The following ACSF2 variants were observed in gnomAD, a reference collection of about 807,000 sequenced individuals.
ACSF2 encodes the protein acyl-CoA synthetase family member 2.
In ACSF2, 52 loss-of-function variants were observed where a neutral mutation model predicts 79.3. That is an observed-to-expected ratio of 0.66 (90% confidence interval 0.53 to 0.83). The LOEUF is 0.83. Among genes scored for constraint, ACSF2 ranks in the 40% least tolerant of loss-of-function variants. The pLI is 0.00. For missense variants in ACSF2, 661 were observed against 803.3 expected, an observed-to-expected ratio of 0.82 and a Z score of 2.14; for synonymous variants, 283 against 312.6, an observed-to-expected ratio of 0.91 and a Z score of 1.00.
chr17:50,449,228 G>T (rs1225787061), intron 1 of ACSF2, among the ~76,000 whole-genome samples: 2 of 151,342 alleles, frequency 1.3e-5, no homozygotes, highest in African/African-American at 4.9e-5. Context: ...TGTTGCCCAG[G>T]GTGCTCTCGA....
rs199837080 is a variant in ACSF2, at chr17:50,441,856, T to A, written c.128+15467T>A. Among the ~76,000 whole-genome samples the A allele has an allele frequency of 1.1e-4, 16 of 152,238 alleles. No individual in the cohort carries two copies. In the East Asian group the frequency reaches 3.1e-3, roughly 29 times the overall value. Reference sequence around the variant, plus strand: ...TATTTATTTATTTTTATTTATTTATTTTGAGACAGGACCTTACTCTGTCTC... The same window carrying A: ...TATTTATTTATTTTTATTTATTTATATTGAGACAGGACCTTACTCTGTCTC... On this transcript the variant is annotated intron_variant, in intron 1 of 15. Coordinates refer to ENST00000300441, the MANE Select transcript of ACSF2 (RefSeq NM_025149.6).
chr17:50,465,162 G>T, intron 10 of ACSF2: 3 of 1,056,936 alleles, frequency 2.8e-6, no homozygotes, highest in South Asian at 1.6e-5. Context: ...GGACCCAGTC[G>T]TCCCCTCCTC....
intron 1 of ACSF2, among the ~76,000 whole-genome samples, chr17:50,459,842 G>T (rs146487705): frequency 2.6e-5 from 4 of 152,150 alleles, no homozygotes; most frequent in Non-Finnish European, 5.9e-5. Flanking sequence ...GCCAGGTCCC[G>T]AGCTGGCTGC....
chr17:50,451,710 A>T (rs1229906755), intron 1 of ACSF2, among the ~76,000 whole-genome samples: 1 of 152,210 alleles, frequency 6.6e-6, no homozygotes, highest in Non-Finnish European at 1.5e-5. Flanking sequence ...TTGGCCTCCC[A>T]AAGTGCTGGG....
In ACSF2 at chr17:50,464,778, G is replaced by GGT. The variant is rs1555611979; in HGVS notation, c.1215+485_1215+486dup. 4.9e-4 allele frequency: 156 copies of GGT among 318,880 alleles called. 1 individual carries two copies. Among genetic ancestry groups the GGT allele is most frequent in the African/African-American group, 6.0e-4 (25 of 41,430 alleles). 19.8% of individuals were successfully genotyped at this position (318,880 alleles called of 1,614,324 possible). ...GTGGTTCTGATTGACTTGGGGGGGG[G>GGT]GTCTCAGCAACAGCTTCTCCAAGAG... On this transcript the variant is annotated intron_variant, in intron 10 of 15. Coordinates refer to ENST00000300441, the MANE Select transcript of ACSF2 (RefSeq NM_025149.6).
intron 1 of ACSF2, among the ~76,000 whole-genome samples, chr17:50,459,303 C>A (rs2032195772): frequency 6.6e-6 from 1 of 152,216 alleles, no homozygotes; most frequent in African/African-American, 2.4e-5. Context: ...TGCAGTGGTG[C>A]AACCATGACT....
intron 6 of ACSF2, chr17:50,462,827 A>G: frequency 1.7e-6 from 1 of 591,558 alleles, no homozygotes; most frequent in Non-Finnish European, 3.0e-6. Flanking sequence ...AGATTCACTG[A>G]ACCAACACAG....
rs142321762 is a variant in ACSF2 at position 50,455,107 on chromosome 17, C to T, written c.129-5570C>T. On this transcript the variant is annotated intron_variant, in intron 1 of 15. Coordinates refer to ENST00000300441, the MANE Select transcript of ACSF2 (RefSeq NM_025149.6). ...AAGAGATTTTCCTGCCTCAGCCTCC[C>T]GGGTAGCTGGGACTACAGGCGTGCA... Among the ~76,000 whole-genome samples the T allele has an allele frequency of 3.9e-4, 59 of 152,302 alleles. No homozygotes were observed. The East Asian group carries it at 8.7e-3, about 22-fold the overall frequency.
At chr17:50,427,838 G>A (rs1156808972) in intron 1 of ACSF2, among the ~76,000 whole-genome samples, 1 of 152,094 alleles carries the variant, frequency 6.6e-6, no homozygotes, top group African/African-American at 2.4e-5. Flanking sequence ...ACAGCCCTGG[G>A]ACCTCTGAGA....
chr17:50,468,787 G>A (rs1377342808), intron 10 of ACSF2: 1 of 1,564,220 alleles, frequency 6.4e-7, no homozygotes, highest in Admixed American at 1.9e-5. Flanking sequence ...GGAGGCCGAG[G>A]CTGAGCAAGA....
At chr17:50,453,822 G>C (rs1043084793) in intron 1 of ACSF2, among the ~76,000 whole-genome samples, 2 of 150,854 alleles carry the variant, frequency 1.3e-5, no homozygotes, top group African/African-American at 4.9e-5. Context: ...ACAGGCTCTT[G>C]CTCTGTTGCC....
intron 1 of ACSF2, chr17:50,450,672 GC>G: frequency 6.3e-6 from 1 of 158,778 alleles, no homozygotes. Flanking sequence ...TCCTGTATGT[GC>G]CTTCCACATT....
In ACSF2 at chr17:50,474,003, A is replaced by T; in HGVS notation, c.1727A>T (p.Lys576Met). 1 of 1,515,266 alleles carries T rather than the reference A, an allele frequency of 6.6e-7. No individual in the cohort carries two copies. The highest frequency in any genetic ancestry group is 8.8e-7 in the Non-Finnish European group (1 of 1,131,484). 93.9% of individuals were successfully genotyped at this position (1,515,266 alleles called of 1,614,324 possible). Reference protein sequence around the residue: ...VEEIKAFCKGKISHFKIPKYI... With the variant: ...VEEIKAFCKGMISHFKIPKYI... ...GAGATAAAAGCTTTCTGCAAAGGGA[A>T]GGTGGGAGCCTCCGCTCAACCTAGC... is the stretch of plus-strand genomic sequence containing the variant. The change falls in exon 14 of 16, where the codon AAG becomes ATG. Residue 576 changes from lysine to methionine, a missense_variant and splice_region_variant. Coordinates refer to ENST00000300441, the MANE Select transcript of ACSF2 (RefSeq NM_025149.6). The surrounding 1 kb of genome is among the most constrained non-coding windows in gnomAD (Gnocchi z 4.2).
Position 50,455,464 on chromosome 17 carries a change from G to A in ACSF2, c.129-5213G>A, listed in dbSNP as rs186780459. Among the ~76,000 whole-genome samples the A allele has an allele frequency of 2.6e-5, 4 of 152,280 alleles. No individual in the cohort carries two copies. In the East Asian group the frequency reaches 5.8e-4, roughly 22 times the overall value. On this transcript the variant is annotated intron_variant, in intron 1 of 15. Transcript: ENST00000300441. Reference sequence around the variant, plus strand: ...GGAGTGGGGAAGCTGATGAGGGGATGTTATTAACATCATCACCCTAGGCAA... The same window carrying A: ...GGAGTGGGGAAGCTGATGAGGGGATATTATTAACATCATCACCCTAGGCAA...
chr17:50,446,271 C>T (rs944656786), intron 1 of ACSF2, among the ~76,000 whole-genome samples: 4 of 151,356 alleles, frequency 2.6e-5, no homozygotes, highest in African/African-American at 4.9e-5. Flanking sequence ...TTTAAAACTT[C>T]GTGTTGAAAT....
rs1278309729 is a variant in ACSF2 at position 50,474,064 on chromosome 17, G to A, written c.1728+60G>A. 6.4e-7 allele frequency: 1 copy of A among 1,559,442 alleles called. No individual in the cohort carries two copies. The highest frequency in any genetic ancestry group is 8.7e-7 in the Non-Finnish European group (1 of 1,148,222). On this transcript the variant is annotated intron_variant, in intron 14 of 15. Coordinates refer to ENST00000300441, the MANE Select transcript of ACSF2 (RefSeq NM_025149.6). The surrounding 1 kb of genome is among the most constrained non-coding windows in gnomAD (Gnocchi z 4.2). Reference sequence around the variant, plus strand: ...CTGTTCTTTGCTCACCCACTCCTCTGCCAACCAGCCCAGGGTGGGGATTGC... The same window carrying A: ...CTGTTCTTTGCTCACCCACTCCTCTACCAACCAGCCCAGGGTGGGGATTGC...
intron 1 of ACSF2, among the ~76,000 whole-genome samples, chr17:50,454,771 A>G (rs756307416): frequency 7.9e-5 from 12 of 152,048 alleles, no homozygotes; most frequent in Non-Finnish European, 1.3e-4. Context: ...AGAAGGACCT[A>G]TTGGGGTTTC....
rs1346449010 is a variant in ACSF2, at chr17:50,453,341, G to T, written c.129-7336G>T. ...CCTGCCTTGGCTTCCTGAGTAGCTG[G>T]GATTACAGGCACACACCACCACACC... On this transcript the variant is annotated intron_variant, in intron 1 of 15. Transcript: ENST00000300441. Among the ~76,000 whole-genome samples the T allele has an allele frequency of 2.0e-5, 3 of 151,984 alleles. No homozygotes were observed. The East Asian group carries it at 5.8e-4, about 29-fold the overall frequency.
chr17:50,466,605 G>A (rs2032746375), intron 10 of ACSF2, among the ~76,000 whole-genome samples: 1 of 152,218 alleles, frequency 6.6e-6, no homozygotes, highest in African/African-American at 2.4e-5. Context: ...GTGCTTGGTG[G>A]AGTGGGCAGT....
Sources: allele counts gnomAD v4.1 joint callset (sites outside exome capture counted in the v4.1 genomes callset), GRCh38; gene constraint gnomAD v4.1.1; non-coding constraint Gnocchi (gnomAD v3.1); transcripts MANE v1.5; gene names NCBI Gene and HGNC (gene_info 2026-07-23, HGNC 2026-07-21).